The following CBLN2 variants were observed in gnomAD, a reference collection of about 807,000 sequenced individuals.
CBLN2 encodes cerebellin 2 precursor.
A neutral mutation model predicts 15.0 loss-of-function variants in CBLN2; 7 were observed. That is an observed-to-expected ratio of 0.47 (90% CI 0.27 to 0.88). CBLN2 has a LOEUF of 0.88. CBLN2 is among the 40% of genes least tolerant of loss of function. The pLI is 0.14. For missense variants in CBLN2, 242 were observed against 304.5 expected, an observed-to-expected ratio of 0.79 and a Z score of 1.53; for synonymous variants, 149 against 135.2, an observed-to-expected ratio of 1.10 and a Z score of -0.71.
intron 1 of CBLN2, among the ~76,000 whole-genome samples, chr18:72,600,864 C>T (rs1463778664): frequency 6.6e-6 from 1 of 152,120 alleles, no homozygotes; most frequent in Non-Finnish European, 1.5e-5. Flanking sequence ...TTCTCGTGTG[C>T]TGAGTCACCC....
intron 1 of CBLN2, among the ~76,000 whole-genome samples, chr18:72,557,661 A>T (rs1432461941): frequency 6.6e-6 from 1 of 152,188 alleles, no homozygotes; most frequent in Non-Finnish European, 1.5e-5. Context: ...GGAACAGAAA[A>T]CCAAACACCA....
chr18:72,586,827 G>T (rs1022262370), intron 1 of CBLN2, among the ~76,000 whole-genome samples: 2 of 152,160 alleles, frequency 1.3e-5, no homozygotes, highest in Middle Eastern at 6.8e-3. Flanking sequence ...GCCTTTTGGG[G>T]TGTTATTTCT....
chr18:72,618,973 T>C lies in CBLN2; in HGVS notation c.15+19352A>G, dbSNP rs1599026114. ...TGGTGGCAGCCATGGTGATGGTGGA[T>C]ATGGTGGCAGCGGGGATGGTCATCA... On this transcript the variant is annotated intron_variant, in intron 1 of 2. Coordinates refer to the CBLN2 transcript ENST00000581073. The C allele has an allele frequency of 5.3e-6, 4 of 755,328 alleles. No homozygotes were observed. In the African/African-American group the frequency reaches 6.8e-5, roughly 13 times the overall value. The allele number at this position is 755,328 out of a possible 1,614,324, so 46.8% of individuals were successfully genotyped here.
At chr18:72,549,259 G>A (rs914351554), upstream of CBLN2, among the ~76,000 whole-genome samples, 4 of 152,260 alleles carry the variant, frequency 2.6e-5, no homozygotes, top group African/African-American at 4.8e-5. Flanking sequence ...TGATCTGCCC[G>A]CTTTGGCCTC....
chr18:72,619,011 T>C (rs1316029447), intron 1 of CBLN2: 2 of 761,874 alleles, frequency 2.6e-6, no homozygotes, highest in African/African-American at 3.4e-5. Flanking sequence ...GATTTGGTAA[T>C]GATGGAAGCA....
intron 1 of CBLN2, among the ~76,000 whole-genome samples, chr18:72,620,850 A>G (rs910918708): frequency 1.3e-5 from 2 of 152,200 alleles, no homozygotes; most frequent in African/African-American, 2.4e-5. Flanking sequence ...AATCTGTCTT[A>G]AAAACCACCC....
chr18:72,616,228 A>T (rs2069661165), intron 1 of CBLN2, among the ~76,000 whole-genome samples: 1 of 152,176 alleles, frequency 6.6e-6, no homozygotes, highest in Non-Finnish European at 1.5e-5. Context: ...GACCTGCTTT[A>T]GTCTTCCTCC....
At chr18:72,606,611 T>G (rs951195313) in intron 1 of CBLN2, among the ~76,000 whole-genome samples, 1 of 152,244 alleles carries the variant, frequency 6.6e-6, no homozygotes, top group Non-Finnish European at 1.5e-5. Flanking sequence ...AAAATATCTT[T>G]TAGTCTTCTT....
intron 1 of CBLN2, among the ~76,000 whole-genome samples, chr18:72,592,966 A>G (rs1022854961): frequency 7.2e-5 from 11 of 152,118 alleles, no homozygotes; most frequent in Non-Finnish European, 1.3e-4. Context: ...GACTTTGTCT[A>G]TTATGGGTCT....
chr18:72,617,143 T>C (rs2069667768), intron 1 of CBLN2, among the ~76,000 whole-genome samples: 1 of 152,170 alleles, frequency 6.6e-6, no homozygotes. Flanking sequence ...TCTTAATACA[T>C]GTTATAAATT....
intron 1 of CBLN2, among the ~76,000 whole-genome samples, chr18:72,591,123 G>A (rs557356391): frequency 1.6e-4 from 25 of 152,052 alleles, no homozygotes; most frequent in Non-Finnish European, 3.4e-4. Flanking sequence ...GCAGAGTAGA[G>A]GAAAAAGGGA....
chr18:72,558,344 G>A (rs1275351817), intron 1 of CBLN2, among the ~76,000 whole-genome samples: 1 of 152,176 alleles, frequency 6.6e-6, no homozygotes, highest in Non-Finnish European at 1.5e-5. Flanking sequence ...ATAGCTAGGA[G>A]ACATAATACT....
At chr18:72,629,130 A>G (rs1192309728) in intron 1 of CBLN2, among the ~76,000 whole-genome samples, 1 of 152,172 alleles carries the variant, frequency 6.6e-6, no homozygotes, top group African/African-American at 2.4e-5. Context: ...ACCATCTGCT[A>G]TATTTACAGG....
At chr18:72,553,020 T>C (rs1030663494) in intron 1 of CBLN2, among the ~76,000 whole-genome samples, 3 of 152,218 alleles carry the variant, frequency 2.0e-5, no homozygotes, top group African/African-American at 7.2e-5. Flanking sequence ...AAATATTTGT[T>C]TAAATGACAT....
rs564851585 is a variant in CBLN2, at chr18:72,537,425, G to A, written c.*751C>T. The A allele has an allele frequency of 2.6e-5, 4 of 152,224 alleles. No individual in the cohort carries two copies. The East Asian group carries it at 7.7e-4, about 29-fold the overall frequency. 9.4% of individuals were successfully genotyped at this position (152,224 alleles called of 1,614,324 possible). A position where few individuals can be genotyped will look rare whatever the true frequency, so the allele number is the denominator to read the frequency against. On this transcript the variant is annotated 3_prime_UTR_variant, in exon 5 of 5. Transcript: ENST00000269503. ...GTATTTTAATGTTTTGTTTTGTTTG[G>A]TCTTATCCAGGAATTCTATATTTTC...
Position 72,550,518 on chromosome 18 carries a change from G to A in CBLN2, c.16-11746C>T, listed in dbSNP as rs192711224. Among the ~76,000 whole-genome samples, 5 of 152,248 alleles carry A rather than the reference G, an allele frequency of 3.3e-5. No homozygotes were observed. The East Asian group carries it at 7.7e-4, about 24-fold the overall frequency. ...TGTACAGAGTTTATGGAGAAGATGG[G>A]CTACGGAGGCGGCGGAAAGAAAAGC... On this transcript the variant is annotated intron_variant, in intron 1 of 2. Coordinates refer to the CBLN2 transcript ENST00000581073.
chr18:72,596,057 C>T (rs76029149), intron 1 of CBLN2, among the ~76,000 whole-genome samples: 9,035 of 151,878 alleles, frequency 0.059, 264 homozygotes, highest in East Asian at 0.094. Flanking sequence ...AAGGGCTTAC[C>T]CCTGCCATTT....
chr18:72,563,549 T>C (rs1204068195), intron 1 of CBLN2, among the ~76,000 whole-genome samples: 1 of 152,064 alleles, frequency 6.6e-6, no homozygotes, highest in Non-Finnish European at 1.5e-5. Flanking sequence ...GTGGTAAAGA[T>C]TCAGGATGGC....
intron 1 of CBLN2, among the ~76,000 whole-genome samples, chr18:72,569,315 T>G (rs1306510064): frequency 6.6e-6 from 1 of 152,176 alleles, no homozygotes; most frequent in Non-Finnish European, 1.5e-5. Flanking sequence ...CTGTATTTAC[T>G]AAAACAAAAA....
Sources: allele counts gnomAD v4.1 joint callset (sites outside exome capture counted in the v4.1 genomes callset), GRCh38; gene constraint gnomAD v4.1.1; transcripts MANE v1.5; gene names NCBI Gene and HGNC (gene_info 2026-07-23, HGNC 2026-07-21).